The following GRAMD1B variants were observed in gnomAD, a reference collection of about 807,000 sequenced individuals.
The protein encoded by GRAMD1B is GRAM domain containing 1B, also known as protein Aster-B.
In GRAMD1B, 37 loss-of-function variants were observed where a neutral mutation model predicts 99.7. The observed-to-expected ratio is 0.37, with a 90% CI of 0.29 to 0.49. The LOEUF is 0.49. Ranked by LOEUF, GRAMD1B falls within the 20% of genes least tolerant of loss-of-function variation. The pLI is 0.98. For missense variants in GRAMD1B, 888 were observed against 1,009.2 expected, an observed-to-expected ratio of 0.88 and a Z score of 1.63; for synonymous variants, 427 against 387.6, an observed-to-expected ratio of 1.10 and a Z score of -1.19.
chr11:123,376,013 G>C (rs1591377424), intron 1 of GRAMD1B, among the ~76,000 whole-genome samples: 1 of 152,070 alleles, frequency 6.6e-6, no homozygotes, highest in East Asian at 1.9e-4. Flanking sequence ...CATTTGGTCA[G>C]CAGCCTCTTC....
intron 2 of GRAMD1B, among the ~76,000 whole-genome samples, chr11:123,500,065 C>T (rs1036632883): frequency 1.3e-5 from 2 of 152,178 alleles, no homozygotes; most frequent in Non-Finnish European, 2.9e-5. Context: ...CAGTGGCTCA[C>T]GCCTGTAATC....
intron 1 of GRAMD1B, among the ~76,000 whole-genome samples, chr11:123,412,953 T>G (rs1287803118): frequency 1.3e-5 from 2 of 152,136 alleles, no homozygotes; most frequent in Non-Finnish European, 2.9e-5. Context: ...GGCTAATTTT[T>G]GTATTTTTAG....
chr11:123,377,126 C>T (rs770772619), intron 1 of GRAMD1B, among the ~76,000 whole-genome samples: 1 of 152,198 alleles, frequency 6.6e-6, no homozygotes, highest in Non-Finnish European at 1.5e-5. Flanking sequence ...CATTCCTCTG[C>T]TCAGCTTCTG....
At chr11:123,544,055 C>T (rs1591914748) in intron 2 of GRAMD1B, among the ~76,000 whole-genome samples, 3 of 152,118 alleles carry the variant, frequency 2.0e-5, no homozygotes, top group African/African-American at 4.8e-5. Context: ...TGCACCAGCC[C>T]GTGCAATTTT....
intron 7 of GRAMD1B, chr11:123,597,975 A>T: frequency 8.3e-7 from 1 of 1,204,354 alleles, no homozygotes; most frequent in Non-Finnish European, 1.2e-6. Flanking sequence ...AGATCCTCAT[A>T]TGTCTTCTTA....
At chr11:123,376,387 T>C (rs17738936) in intron 1 of GRAMD1B, among the ~76,000 whole-genome samples, 25,534 of 152,238 alleles carry the variant, frequency 0.17, 2,301 homozygotes, top group African/African-American at 0.23. Context: ...CATTGATGCA[T>C]AGTGTTTACG....
intron 1 of GRAMD1B, among the ~76,000 whole-genome samples, chr11:123,399,564 G>A (rs755729233): frequency 1.3e-5 from 2 of 152,070 alleles, no homozygotes; most frequent in African/African-American, 2.4e-5. Flanking sequence ...GTGTGCAAGA[G>A]TTCCCTTTTC....
chr11:123,557,991 T>TTC (rs1399549334), intron 2 of GRAMD1B, among the ~76,000 whole-genome samples: 2 of 135,654 alleles, frequency 1.5e-5, no homozygotes, highest in Non-Finnish European at 3.0e-5. Flanking sequence ...TTTTTTTTTT[T>TTC]TTTTTTTTTT....
chr11:123,512,203 C>T (rs1941094464), intron 2 of GRAMD1B, among the ~76,000 whole-genome samples: 1 of 152,198 alleles, frequency 6.6e-6, no homozygotes, highest in African/African-American at 2.4e-5. Context: ...GTTTGGATCC[C>T]AAACTGCTGC....
chr11:123,389,890 G>T (rs1465009577), intron 1 of GRAMD1B, among the ~76,000 whole-genome samples: 1 of 151,866 alleles, frequency 6.6e-6, no homozygotes, highest in Non-Finnish European at 1.5e-5. Context: ...TGATTACTGG[G>T]ATTACAAGCG....
chr11:123,360,313 A>C (rs1296112540), intron 1 of GRAMD1B, among the ~76,000 whole-genome samples: 1 of 152,134 alleles, frequency 6.6e-6, no homozygotes, highest in Admixed American at 6.5e-5. Context: ...GTTCCTATTT[A>C]TGGGACCTTC....
intron 1 of GRAMD1B, among the ~76,000 whole-genome samples, chr11:123,368,258 CAAA>C (rs1024340450): frequency 2.3e-5 from 2 of 88,306 alleles, no homozygotes. Context: ...CATCTTAAAA[CAAA>C]AAAAAAAAAA....
chr11:123,429,961 G>T (rs905172454), upstream of GRAMD1B, among the ~76,000 whole-genome samples: 5 of 152,100 alleles, frequency 3.3e-5, no homozygotes, highest in Admixed American at 3.3e-4. This position sits in a 1 kb window ranked among gnomAD's most constrained non-coding sequence, Gnocchi z 4.0. Flanking sequence ...GAGAGAGTGA[G>T]GACTGAATTC....
rs367623735 is a variant in GRAMD1B, at chr11:123,593,824, A to G, written c.685-258A>G. Among the ~76,000 whole-genome samples the G allele has an allele frequency of 4.1e-3, 627 of 152,128 alleles. 4 individuals are homozygous for G. Among genetic ancestry groups the G allele is most frequent in the South Asian group, 0.014 (68 of 4,820 alleles). On this transcript the variant is annotated intron_variant, in intron 4 of 19. Transcript: ENST00000635736. ...TTCCTTTCTCTTACGGGATATAACG[A>G]GAGCCCCTCCTTGCTGTGTCTGGCA... is the stretch of plus-strand genomic sequence containing the variant.
intron 2 of GRAMD1B, among the ~76,000 whole-genome samples, chr11:123,486,999 G>A (rs934814189): frequency 2.0e-5 from 3 of 152,346 alleles, no homozygotes; most frequent in Admixed American, 6.5e-5. Flanking sequence ...AGTCCAGGAG[G>A]CAGAGAGTGC....
At chr11:123,576,453 C>T (rs1390523765) in intron 2 of GRAMD1B, among the ~76,000 whole-genome samples, 2 of 152,348 alleles carry the variant, frequency 1.3e-5, no homozygotes, top group East Asian at 1.9e-4. Context: ...GGAAGCAAAG[C>T]AAACATTCAA....
chr11:123,509,643 A>C (rs1222318216), intron 2 of GRAMD1B, among the ~76,000 whole-genome samples: 1 of 152,232 alleles, frequency 6.6e-6, no homozygotes, highest in East Asian at 1.9e-4. Context: ...GAATCCTTGC[A>C]CTGTCTTGGG....
intron 5 of GRAMD1B, among the ~76,000 whole-genome samples, 194 bp downstream of exon 5, chr11:123,594,360 C>CCAA (rs1473705803): frequency 6.6e-6 from 1 of 152,190 alleles, no homozygotes; most frequent in African/African-American, 2.4e-5. Flanking sequence ...CCTCAAGAGC[C>CCAA]CAACCTGGAG....
At chr11:123,449,713 G>GTTTTTTTTTTTTTT (rs1245614513) in intron 1 of GRAMD1B, among the ~76,000 whole-genome samples, 4 of 79,556 alleles carry the variant, frequency 5.0e-5, no homozygotes, top group African/African-American at 2.5e-4. Flanking sequence ...ACCATGCCTG[G>GTTTTTTTTTTTTTT]CTTTTTTTTT....
Sources: allele counts gnomAD v4.1 joint callset (sites outside exome capture counted in the v4.1 genomes callset), GRCh38; gene constraint gnomAD v4.1.1; non-coding constraint Gnocchi (gnomAD v3.1); transcripts MANE v1.5; gene names NCBI Gene and HGNC (gene_info 2026-07-23, HGNC 2026-07-21).